Variants in TCEA2 observed in about 807,000 individuals in gnomAD.
TCEA2 encodes transcription elongation factor A2.
TCEA2 carries 21 observed loss-of-function variants against 40.8 expected under a neutral mutation model. The observed-to-expected ratio is 0.51, with a 90% CI of 0.36 to 0.74. The LOEUF is 0.74. Among genes scored for constraint, TCEA2 ranks in the 30% least tolerant of loss-of-function variants. TCEA2 has a pLI of 0.00. For missense variants in TCEA2, 326 were observed against 426.5 expected (o/e 0.76, Z 2.08); for synonymous variants, 165 against 162.7 (o/e 1.01, Z -0.11).
At chr20:64,057,922 C>A (rs2059494759) in intron 1 of TCEA2, among the ~76,000 whole-genome samples, 1 of 152,126 alleles carries the variant, frequency 6.6e-6, no homozygotes, top group Non-Finnish European at 1.5e-5. Flanking sequence ...GAAGTGAGGC[C>A]CACCCGTCCG....
Position 64,063,527 on chromosome 20 carries a change from G to A in TCEA2, c.72+143G>A. 3 of 993,122 alleles carry A rather than the reference G, an allele frequency of 3.0e-6. No homozygotes were observed. In the South Asian group the frequency reaches 4.7e-5, roughly 16 times the overall value. The allele number at this position is 993,122 out of a possible 1,614,324, so 61.5% of individuals were successfully genotyped here. A position where few individuals can be genotyped will look rare whatever the true frequency, so the allele number is the denominator to read the frequency against. ...GGCAGAGACTAACCGGGACGCAGGGGAGACCCCCACCCGTGGCCGAGACCC... is the reference window on the plus strand; with the variant it reads ...GGCAGAGACTAACCGGGACGCAGGGAAGACCCCCACCCGTGGCCGAGACCC... On this transcript the variant is annotated intron_variant, in intron 1 of 9. Coordinates refer to ENST00000343484, the MANE Select transcript of TCEA2 (RefSeq NM_003195.6).
rs1362058236 is a variant in TCEA2, at chr20:64,072,316, T to C, written c.*136T>C. ...GCCTGGATTGCACCTTTCTGCCCTTTCCCCCTCATTATTAAATGTTTCTTT... is the reference window on the plus strand; with the variant it reads ...GCCTGGATTGCACCTTTCTGCCCTTCCCCCCTCATTATTAAATGTTTCTTT... On this transcript the variant is annotated 3_prime_UTR_variant, in exon 10 of 10. Transcript: ENST00000343484. The C allele has an allele frequency of 5.4e-6, 5 of 930,078 alleles. No individual in the cohort carries two copies. The highest frequency in any genetic ancestry group is 4.6e-5 in the Admixed American group (2 of 43,030). The allele number at this position is 930,078 out of a possible 1,614,324, so 57.6% of individuals were successfully genotyped here.
chr20:64,066,136 AG>A, intron 1 of TCEA2: 1 of 214,492 alleles, frequency 4.7e-6, no homozygotes. Context: ...ATGATTGGCC[AG>A]GGGAGCTGGC....
intron 1 of TCEA2, among the ~76,000 whole-genome samples, chr20:64,064,748 T>A (rs1186402791): frequency 6.6e-6 from 1 of 152,128 alleles, no homozygotes; most frequent in Non-Finnish European, 1.5e-5. Flanking sequence ...GGGCTCCCAC[T>A]CATTCCTGCT....
At chr20:64,066,638 C>A in intron 2 of TCEA2, 100 bp downstream of exon 2, 2 of 1,389,930 alleles carry the variant, frequency 1.4e-6, no homozygotes, top group Admixed American at 1.9e-5. Flanking sequence ...CCCTCCCCAC[C>A]AGGCCTTAGT....
rs548019157 is a variant in TCEA2 at position 64,069,581 on chromosome 20, G to A, written c.460+90G>A. ...CTGCCCGCAGAGGCCTGCTTCCAGC[G>A]GGGTGACTGTCCTCCCCCAGCCCAT... is the stretch of plus-strand genomic sequence containing the variant. On this transcript the variant is annotated intron_variant, in intron 5 of 9. Transcript: ENST00000343484. The A allele has an allele frequency of 7.4e-5, 115 of 1,560,078 alleles. 1 individual carries two copies. The Admixed American group carries it at 1.7e-3, about 22-fold the overall frequency.
At position 64,066,557 on chromosome 20, in the gene TCEA2, C is replaced by T; in HGVS notation, c.135+19C>T. ...GCTCCAGGTAGGTCCCTGCCTGCCCCAGGTCCAGGACAGCTCCTGGGTGCA... is the reference window on the plus strand; with the variant it reads ...GCTCCAGGTAGGTCCCTGCCTGCCCTAGGTCCAGGACAGCTCCTGGGTGCA... On this transcript the variant is annotated intron_variant, in intron 2 of 9. Transcript: ENST00000343484. 6.2e-7 allele frequency: 1 copy of T among 1,612,568 alleles called. No homozygotes were observed.
chr20:64,059,083 C>T (rs1383512470), upstream of TCEA2, among the ~76,000 whole-genome samples: 1 of 150,942 alleles, frequency 6.6e-6, no homozygotes, highest in East Asian at 2.0e-4. Flanking sequence ...ATCCCAGCTA[C>T]TTGGGAGGCT....
chr20:64,063,589 C>A, intron 1 of TCEA2: 1 of 618,282 alleles, frequency 1.6e-6, no homozygotes, highest in Non-Finnish European at 2.8e-6. Flanking sequence ...CTCCCGCAAC[C>A]CCGGCAGAGG....
exon 1 of TCEA2, chr20:64,057,349 G>T (rs1217399180): frequency 6.6e-6 from 1 of 152,310 alleles, no homozygotes; most frequent in African/African-American, 2.4e-5. Flanking sequence ...AGGGATCCAG[G>T]CCTTGCCTCT....
upstream of TCEA2, among the ~76,000 whole-genome samples, chr20:64,060,327 T>C (rs2059537808): frequency 6.6e-6 from 1 of 152,238 alleles, no homozygotes; most frequent in African/African-American, 2.4e-5. Flanking sequence ...GAGAAGCCTA[T>C]GTGTCTGGCC....
intron 3 of TCEA2, 145 bp from the exon 4 acceptor site, chr20:64,067,902 C>A: frequency 8.2e-6 from 5 of 608,084 alleles, no homozygotes; most frequent in Non-Finnish European, 1.4e-5. Context: ...TGGCCCCTGG[C>A]TCCCCTGGCT....
At chr20:64,072,059 G>A in intron 9 of TCEA2, 113 bp from the exon 10 acceptor site, 1 of 1,595,572 alleles carries the variant, frequency 6.3e-7, no homozygotes, top group Non-Finnish European at 8.6e-7. Context: ...AGCCTCCTGG[G>A]AGTCTTGGGC....
upstream of TCEA2, chr20:64,057,254 G>T (rs144551914): frequency 6.6e-6 from 1 of 152,378 alleles, no homozygotes; most frequent in Non-Finnish European, 1.5e-5. Flanking sequence ...CCTCCGCTGT[G>T]AGCCACCCTT....
At position 64,070,652 on chromosome 20, in the gene TCEA2, C is replaced by T. The variant is rs544970542; in HGVS notation, c.819+17C>T. 5 of 1,537,526 alleles carry T rather than the reference C, an allele frequency of 3.3e-6. No homozygotes were observed. In the East Asian group the frequency reaches 9.8e-5, roughly 30 times the overall value. On this transcript the variant is annotated intron_variant, in intron 8 of 9. Coordinates refer to ENST00000343484, the MANE Select transcript of TCEA2 (RefSeq NM_003195.6). Reference sequence around the variant, plus strand: ...TACACACAGGTGAGCGGCCGCTGGGCACCCTCCCCCGGGCCCGGTGTCTTC... The same window carrying T: ...TACACACAGGTGAGCGGCCGCTGGGTACCCTCCCCCGGGCCCGGTGTCTTC...
chr20:64,055,726 C>T (rs889010191), upstream of TCEA2, among the ~76,000 whole-genome samples: 6 of 152,032 alleles, frequency 3.9e-5, no homozygotes, highest in African/African-American at 7.2e-5. The surrounding 1 kb of genome is among the most constrained non-coding windows in gnomAD (Gnocchi z 4.0). Context: ...TACGTGAAGA[C>T]GGGGCTGTGC....
intron 4 of TCEA2, among the ~76,000 whole-genome samples, chr20:64,068,792 G>C (rs2059755970): frequency 6.6e-6 from 1 of 152,272 alleles, no homozygotes; most frequent in African/African-American, 2.4e-5. Flanking sequence ...GGGCTAGGTG[G>C]ATGCAGCCTG....
At chr20:64,069,936 T>A in intron 6 of TCEA2, 115 bp downstream of exon 6, 1 of 1,335,978 alleles carries the variant, frequency 7.5e-7, no homozygotes, top group Non-Finnish European at 1.1e-6. Context: ...AGGGGTCACC[T>A]GCCTGGGTGG....
intron 1 of TCEA2, chr20:64,063,664 C>T (rs952168444): frequency 4.9e-5 from 24 of 494,066 alleles, no homozygotes; most frequent in Non-Finnish European, 8.3e-5. Flanking sequence ...CCCTCCCTCG[C>T]CCGCAGTCAC....
Sources: allele counts gnomAD v4.1 joint callset (sites outside exome capture counted in the v4.1 genomes callset), GRCh38; gene constraint gnomAD v4.1.1; non-coding constraint Gnocchi (gnomAD v3.1); transcripts MANE v1.5; gene names NCBI Gene and HGNC (gene_info 2026-07-23, HGNC 2026-07-21).